NOX4: variants seen among roughly 807,000 people sequenced by gnomAD.
The protein encoded by NOX4 is kidney oxidase-1.
NOX4 carries 69 observed loss-of-function variants against 87.6 expected under a neutral mutation model. The ratio of observed to expected loss-of-function variants is 0.79; its 90% confidence interval spans 0.65 to 0.96. The LOEUF (loss-of-function observed/expected upper bound fraction) is 0.96, where lower values mean the gene tolerates loss of function less well. Among genes scored for constraint, NOX4 ranks in the 40% least tolerant of loss-of-function variants. NOX4 has a pLI of 0.00. For missense variants in NOX4, 680 were observed against 681.5 expected, an observed-to-expected ratio of 1.00 and a Z score of 0.02; for synonymous variants, 275 against 238.2, an observed-to-expected ratio of 1.15 and a Z score of -1.42.
chr11:89,395,822 G>A (rs189129658), intron 11 of NOX4, among the ~76,000 whole-genome samples: 21 of 152,152 alleles, frequency 1.4e-4, no homozygotes, highest in Middle Eastern at 3.4e-3. Flanking sequence ...GTAGATGTGC[G>A]GTGTTATTTC....
At chr11:89,528,812 T>C in the NOX4 span, among the ~76,000 whole-genome samples, 1 of 152,176 alleles carries the variant, frequency 6.6e-6, no homozygotes, top group Non-Finnish European at 1.5e-5. Context: ...AATCTATCTA[T>C]CTGCCAGCCA....
chr11:89,449,664 A>G (rs1441673236), intron 3 of NOX4, 140 bp from the exon 4 acceptor site: 1 of 595,598 alleles, frequency 1.7e-6, no homozygotes, highest in African/African-American at 1.9e-5. Context: ...ATGAATTATG[A>G]TCTATCTAGT....
chr11:89,333,200 C>A (rs1945548866), intron 17 of NOX4, among the ~76,000 whole-genome samples: 1 of 151,528 alleles, frequency 6.6e-6, no homozygotes, highest in Non-Finnish European at 1.5e-5. Flanking sequence ...CTTTGAGGTA[C>A]AATTATACAG....
the NOX4 span, among the ~76,000 whole-genome samples, chr11:89,556,569 T>C: frequency 6.6e-6 from 1 of 151,924 alleles, no homozygotes; most frequent in Non-Finnish European, 1.5e-5. Flanking sequence ...AACCTACATC[T>C]TCAGGAGTAA....
At chr11:89,501,028 T>C (rs1947010777), upstream of NOX4, among the ~76,000 whole-genome samples, 1 of 152,024 alleles carries the variant, frequency 6.6e-6, no homozygotes. Flanking sequence ...ACAAAACATA[T>C]GCCAACTTGG....
chr11:89,482,861 A>G (rs1238392527), intron 2 of NOX4, among the ~76,000 whole-genome samples: 1 of 152,106 alleles, frequency 6.6e-6, no homozygotes, highest in East Asian at 1.9e-4. Flanking sequence ...TAAGGACCTT[A>G]GACAACAGTA....
chr11:89,422,795 A>ATTT lies in NOX4; in HGVS notation c.549-816_549-814dup, dbSNP rs147956211. Among the ~76,000 whole-genome samples, 355 of 110,958 alleles carry ATTT rather than the reference A, an allele frequency of 3.2e-3. 7 individuals are homozygous for ATTT. The highest frequency in any genetic ancestry group is 0.011 in the African/African-American group (323 of 30,604). 72.8% of individuals were successfully genotyped at this position (110,958 alleles called of 152,430 possible). ...CCCTTGTAACATATACAAAGTTCTG[A>ATTT]TTTTTTTTTTTTTTTTTTTTTTGAG... is the stretch of plus-strand genomic sequence containing the variant. On this transcript the variant is annotated intron_variant, in intron 7 of 17. Coordinates refer to ENST00000263317, the MANE Select transcript of NOX4 (RefSeq NM_016931.5).
At chr11:89,414,316 A>G (rs1942644728) in intron 8 of NOX4, among the ~76,000 whole-genome samples, 1 of 152,070 alleles carries the variant, frequency 6.6e-6, no homozygotes, top group Admixed American at 6.6e-5. Flanking sequence ...ACACATTTGA[A>G]TAATAACTGG....
chr11:89,445,757 A>G (rs1203472977), intron 4 of NOX4, among the ~76,000 whole-genome samples: 1 of 152,138 alleles, frequency 6.6e-6, no homozygotes, highest in Admixed American at 6.6e-5. Flanking sequence ...CAAAACCATA[A>G]AACTCCTCAA....
At chr11:89,470,328 C>T (rs1945876614) in intron 2 of NOX4, among the ~76,000 whole-genome samples, 1 of 152,048 alleles carries the variant, frequency 6.6e-6, no homozygotes, top group Non-Finnish European at 1.5e-5. Context: ...GTGACATTCT[C>T]ATTGTAGTTG....
the NOX4 span, among the ~76,000 whole-genome samples, chr11:89,542,917 C>A: frequency 6.6e-6 from 1 of 152,144 alleles, no homozygotes; most frequent in African/African-American, 2.4e-5. Context: ...TAACAGCTAA[C>A]TTTGTGGTAG....
chr11:89,469,736 T>C lies in NOX4; in HGVS notation c.154-17841A>G, dbSNP rs569107269. Among the ~76,000 whole-genome samples the C allele has an allele frequency of 4.6e-5, 7 of 152,326 alleles. No homozygotes were observed. The South Asian group carries it at 1.4e-3, about 32-fold the overall frequency. On this transcript the variant is annotated intron_variant, in intron 2 of 17. Transcript: ENST00000263317. Reference sequence around the variant, plus strand: ...GACACCTTGCCTAATGCTCTTTCCGTATTTTTACACTTTCTTACTCTTTCA... The same window carrying C: ...GACACCTTGCCTAATGCTCTTTCCGCATTTTTACACTTTCTTACTCTTTCA...
intron 7 of NOX4, among the ~76,000 whole-genome samples, chr11:89,423,743 A>C (rs1414300352): frequency 6.6e-6 from 1 of 151,274 alleles, no homozygotes; most frequent in African/African-American, 2.4e-5. Context: ...AAATTGCAAC[A>C]CTCCTTAAAA....
upstream of NOX4, among the ~76,000 whole-genome samples, chr11:89,493,721 T>TTTTTTATTATTA (rs372046431): frequency 3.1e-4 from 44 of 142,288 alleles, no homozygotes; most frequent in Admixed American, 5.0e-4. Flanking sequence ...GCCAGATTGT[T>TTTTTTATTATTA]TTATTATTAT....
chr11:89,557,514 T>C, the NOX4 span, among the ~76,000 whole-genome samples: 1 of 152,174 alleles, frequency 6.6e-6, no homozygotes, highest in Non-Finnish European at 1.5e-5. Context: ...TTTAAACACT[T>C]ATCATGTTCC....
At chr11:89,428,699 A>G (rs1298983832) in intron 7 of NOX4, among the ~76,000 whole-genome samples, 1 of 152,202 alleles carries the variant, frequency 6.6e-6, no homozygotes, top group Non-Finnish European at 1.5e-5. Flanking sequence ...ATACAGGAGC[A>G]CCCAGATTCA....
At chr11:89,529,617 C>A in the NOX4 span, among the ~76,000 whole-genome samples, 2 of 152,130 alleles carry the variant, frequency 1.3e-5, no homozygotes, top group African/African-American at 2.4e-5. Context: ...TGTTTATAAA[C>A]TAAAGATTCT....
chr11:89,554,205 G>A, the NOX4 span, among the ~76,000 whole-genome samples: 3,550 of 151,826 alleles, frequency 0.023, 185 homozygotes, highest in East Asian at 0.24. Context: ...TGGATCTAGC[G>A]TTTTAAAATT....
intron 7 of NOX4, among the ~76,000 whole-genome samples, chr11:89,431,304 T>A (rs1330960319): frequency 1.3e-5 from 2 of 152,114 alleles, no homozygotes; most frequent in Non-Finnish European, 2.9e-5. Context: ...AGCAAGGACT[T>A]CATGTCTAAA....
Sources: gnomAD v4.1 joint callset for allele counts (sites outside exome capture counted in the v4.1 genomes callset) on GRCh38, gnomAD v4.1.1 for gene constraint, MANE v1.5 for transcripts, NCBI Gene and HGNC (gene_info 2026-07-23, HGNC 2026-07-21) for gene names.